IMMP1L: variants seen among roughly 807,000 people sequenced by gnomAD.
IMMP1L encodes the protein inner mitochondrial membrane peptidase subunit 1.
Under a neutral mutation model 21.8 loss-of-function variants are expected in IMMP1L, and 24 were observed. The ratio of observed to expected loss-of-function variants is 1.10; its 90% CI spans 0.80 to 1.55. IMMP1L has a LOEUF of 1.55. Ranked by LOEUF, IMMP1L falls within the 40% of genes most tolerant of loss-of-function variation. The probability of loss-of-function intolerance (pLI) is 0.00; values close to 1 mark genes in which losing one functional copy is unlikely to be tolerated. For missense variants in IMMP1L, 195 were observed against 200.7 expected, an observed-to-expected ratio of 0.97 and a Z score of 0.17; for synonymous variants, 46 against 62.8, an observed-to-expected ratio of 0.73 and a Z score of 1.26.
intron 4 of IMMP1L, among the ~76,000 whole-genome samples, chr11:31,445,923 T>A (rs934437897): frequency 2.0e-5 from 3 of 152,150 alleles, no homozygotes; most frequent in African/African-American, 7.2e-5. Context: ...ACTATGGACA[T>A]CAAGGAGGGA....
At chr11:31,444,142 G>C (rs1381726855) in intron 4 of IMMP1L, among the ~76,000 whole-genome samples, 1 of 152,102 alleles carries the variant, frequency 6.6e-6, no homozygotes, top group African/African-American at 2.4e-5. Context: ...TACTAGTTAA[G>C]CACCTTGGGC....
intron 1 of IMMP1L, among the ~76,000 whole-genome samples, chr11:31,470,705 G>A (rs1954519182): frequency 6.6e-6 from 1 of 152,128 alleles, no homozygotes; most frequent in Non-Finnish European, 1.5e-5. Context: ...TTCAGAATAG[G>A]CAAGATATGG....
At chr11:31,491,817 T>C (rs892165121) in intron 1 of IMMP1L, among the ~76,000 whole-genome samples, 1 of 152,198 alleles carries the variant, frequency 6.6e-6, no homozygotes, top group Admixed American at 6.5e-5. Flanking sequence ...CCAGGAAAGA[T>C]CTTTGAAGAA....
intron 3 of IMMP1L, among the ~76,000 whole-genome samples, chr11:31,457,823 T>C (rs1237428): frequency 0.38 from 58,434 of 152,094 alleles, 14,477 homozygotes; most frequent in African/African-American, 0.71. Context: ...TTTACAATGA[T>C]GATCTCTTGA....
At chr11:31,497,720 G>A (rs1199385149) in intron 1 of IMMP1L, among the ~76,000 whole-genome samples, 3 of 152,078 alleles carry the variant, frequency 2.0e-5, no homozygotes, top group East Asian at 1.9e-4. Context: ...AAAGTGTTGG[G>A]ATTACAGGCG....
chr11:31,460,301 A>G (rs1479639525), intron 3 of IMMP1L, among the ~76,000 whole-genome samples: 1 of 152,252 alleles, frequency 6.6e-6, no homozygotes, highest in Non-Finnish European at 1.5e-5. Flanking sequence ...TCTGTAATGT[A>G]ATCCCTAAGT....
At position 31,498,288 on chromosome 11, in the gene IMMP1L, A is replaced by T. The variant is rs574971750; in HGVS notation, c.-30+11231T>A. 1.1e-3 allele frequency among the ~76,000 whole-genome samples: 160 copies of T among 152,362 alleles called. 2 individuals are homozygous for T. The highest frequency in any genetic ancestry group is 3.5e-3 in the African/African-American group (146 of 41,590). On this transcript the variant is annotated intron_variant, in intron 1 of 5. Coordinates refer to ENST00000532287, the MANE Select transcript of IMMP1L (RefSeq NM_001304274.2). ...TAATAAGCAGAACTATAAAATTAAA[A>T]TTCTAAAGGTTTTAAGAAGGAAATA...
At position 31,460,209 on chromosome 11, in the gene IMMP1L, T is replaced by C. The variant is rs554540840; in HGVS notation, c.194+417A>G. Among the ~76,000 whole-genome samples, 161 of 152,228 alleles carry C rather than the reference T, an allele frequency of 1.1e-3. 2 individuals carry two copies. Among genetic ancestry groups the C allele is most frequent in the African/African-American group, 3.5e-3 (145 of 41,550 alleles). On this transcript the variant is annotated intron_variant, in intron 3 of 5. Transcript: ENST00000532287. Reference sequence around the variant, plus strand: ...AATAAAAACCATCAAACGGTCATCATAGACTACATATAAAGTAAGATAGCA... The same window carrying C: ...AATAAAAACCATCAAACGGTCATCACAGACTACATATAAAGTAAGATAGCA...
intron 1 of IMMP1L, among the ~76,000 whole-genome samples, chr11:31,508,750 G>T (rs1032135870): frequency 6.6e-6 from 1 of 152,150 alleles, no homozygotes; most frequent in South Asian, 2.1e-4. Context: ...TTTCAATTTA[G>T]ACATTTGTCA....
At chr11:31,444,293 G>C (rs1413206366) in intron 4 of IMMP1L, among the ~76,000 whole-genome samples, 1 of 152,194 alleles carries the variant, frequency 6.6e-6, no homozygotes, top group Non-Finnish European at 1.5e-5. Flanking sequence ...ATTTGCCAGT[G>C]TGAATTATGT....
chr11:31,489,271 A>G (rs1049755313), intron 1 of IMMP1L, among the ~76,000 whole-genome samples: 4 of 152,196 alleles, frequency 2.6e-5, no homozygotes, highest in Non-Finnish European at 5.9e-5. Flanking sequence ...AGTGTCTGCC[A>G]CAAAAAACAA....
chr11:31,457,175 C>T (rs1408107531), intron 3 of IMMP1L, among the ~76,000 whole-genome samples: 1 of 151,620 alleles, frequency 6.6e-6, no homozygotes, highest in Non-Finnish European at 1.5e-5. Context: ...TCAAAAGATA[C>T]AACAAAATAA....
chr11:31,445,580 A>G (rs556759692), intron 4 of IMMP1L, among the ~76,000 whole-genome samples: 15 of 152,352 alleles, frequency 9.8e-5, no homozygotes, highest in South Asian at 2.1e-4. Context: ...AAAAACAGGC[A>G]TTGTTGAATA....
At chr11:31,491,206 A>G (rs569377775) in intron 1 of IMMP1L, among the ~76,000 whole-genome samples, 1 of 152,294 alleles carries the variant, frequency 6.6e-6, no homozygotes, top group South Asian at 2.1e-4. Context: ...AAAACAGAAA[A>G]AGCCTAGGTT....
rs1297576539 is a variant in IMMP1L at position 31,463,363 on chromosome 11, T to C, written c.-29-58A>G. The C allele has an allele frequency of 1.0e-5, 14 of 1,398,158 alleles. No homozygotes were observed. In the African/African-American group the frequency reaches 2.1e-4, roughly 21 times the overall value. 86.6% of individuals were successfully genotyped at this position (1,398,158 alleles called of 1,614,324 possible). A position where few individuals can be genotyped will look rare whatever the true frequency, so the allele number is the denominator to read the frequency against. On this transcript the variant is annotated intron_variant, in intron 1 of 5. Coordinates refer to ENST00000532287, the MANE Select transcript of IMMP1L (RefSeq NM_001304274.2). ...ATACTATTTAAAAACACTTAAGAAA[T>C]AACTATTGTAAAATATTTTACAATC...
intron 4 of IMMP1L, among the ~76,000 whole-genome samples, chr11:31,439,237 C>CA (rs1953233640): frequency 6.6e-6 from 1 of 152,214 alleles, no homozygotes; most frequent in South Asian, 2.1e-4. Flanking sequence ...CCATAGCCTT[C>CA]ATGTTAATCT....
intron 4 of IMMP1L, among the ~76,000 whole-genome samples, chr11:31,451,458 A>G (rs1953753728): frequency 1.3e-5 from 2 of 152,194 alleles, no homozygotes; most frequent in African/African-American, 4.8e-5. Context: ...CTGATTATAT[A>G]TAGAAGGTAT....
intron 1 of IMMP1L, among the ~76,000 whole-genome samples, chr11:31,484,886 G>A (rs1016907412): frequency 2.6e-5 from 4 of 151,714 alleles, no homozygotes; most frequent in Non-Finnish European, 5.9e-5. Flanking sequence ...AAAATTTGTT[G>A]ACTTAGAAAG....
chr11:31,473,521 A>G (rs1456020086), intron 1 of IMMP1L, among the ~76,000 whole-genome samples: 1 of 152,212 alleles, frequency 6.6e-6, no homozygotes, highest in African/African-American at 2.4e-5. Context: ...AAATTTTTGG[A>G]TACTATAAAA....
Sources: gnomAD v4.1 joint callset for allele counts (sites outside exome capture counted in the v4.1 genomes callset) on GRCh38, gnomAD v4.1.1 for gene constraint, MANE v1.5 for transcripts, NCBI Gene and HGNC (gene_info 2026-07-23, HGNC 2026-07-21) for gene names.